SLC29A1: variants seen among roughly 807,000 people sequenced by gnomAD.
SLC29A1 encodes equilibrative nucleoside transporter 1.
In SLC29A1, 22 loss-of-function variants were observed where a neutral mutation model predicts 48.3. The observed-to-expected ratio is 0.46, with a 90% CI of 0.33 to 0.65. The LOEUF is 0.65. Among genes scored for constraint, SLC29A1 ranks in the 30% least tolerant of loss-of-function variants. The probability of loss-of-function intolerance (pLI) is 0.03; values close to 1 mark genes in which losing one functional copy is unlikely to be tolerated. For synonymous variants in SLC29A1, 228 were observed against 231.0 expected, an observed-to-expected ratio of 0.99 and a Z score of 0.12; for missense variants, 491 against 575.3, an observed-to-expected ratio of 0.85 and a Z score of 1.50.
Position 44,229,268 on chromosome 6 carries a change from C to A in SLC29A1, c.30-122C>A. The A allele has an allele frequency of 1.3e-6, 1 of 789,970 alleles. No individual in the cohort carries two copies. Among genetic ancestry groups the A allele is most frequent in the Non-Finnish European group, 2.3e-6 (1 of 441,890 alleles). The allele number at this position is 789,970 out of a possible 1,614,324, so 48.9% of individuals were successfully genotyped here. A position where few individuals can be genotyped will look rare whatever the true frequency, so the allele number is the denominator to read the frequency against. On this transcript the variant is annotated intron_variant, in intron 2 of 12. Coordinates refer to ENST00000371755, the MANE Select transcript of SLC29A1 (RefSeq NM_001372327.1). The surrounding 1 kb of genome is among the most constrained non-coding windows in gnomAD (Gnocchi z 5.1). ...GAGGACACATGCAAACGGACACAAACACAGACGCCCTGTGCCCTGGGACCT... is the reference window on the plus strand; with the variant it reads ...GAGGACACATGCAAACGGACACAAAAACAGACGCCCTGTGCCCTGGGACCT...
chr6:44,223,501 G>GA, upstream of SLC29A1: 1 of 980,492 alleles, frequency 1.0e-6, no homozygotes. The surrounding 1 kb of genome is among the most constrained non-coding windows in gnomAD (Gnocchi z 5.0). Context: ...CGGGGGCGGG[G>GA]CCGCGGGCGT....
intron 1 of SLC29A1, chr6:44,227,051 G>GA (rs1215355877): frequency 5.2e-6 from 7 of 1,352,000 alleles, no homozygotes; most frequent in African/African-American, 1.5e-5. Flanking sequence ...TAGAGTCTGA[G>GA]CAGGCAGGGG....
chr6:44,231,037 A>G (rs752926544), intron 8 of SLC29A1, 148 bp downstream of exon 8: 20 of 693,570 alleles, frequency 2.9e-5, no homozygotes, highest in Non-Finnish European at 4.9e-5. Context: ...AGAGGGGGAC[A>G]ATAGGAAATA....
chr6:44,221,578 T>G (rs1776428947), upstream of SLC29A1: 50 of 872,080 alleles, frequency 5.7e-5, no homozygotes, highest in Non-Finnish European at 7.5e-5. The surrounding 1 kb of genome is among the most constrained non-coding windows in gnomAD (Gnocchi z 4.2). Context: ...ACCCCACCCC[T>G]TCGACAGGGA....
Position 44,230,039 on chromosome 6 carries a change from C to G in SLC29A1, c.447C>G (p.Leu149=). ...FFVITMIKIV[L]INSFGAILQG... is the part of the protein sequence containing the mutation. ...TCATCACCATGATCAAGATCGTGCTCATTAATTGTAAGCTGGGCCAGGAGG... is the reference window on the plus strand; with the variant it reads ...TCATCACCATGATCAAGATCGTGCTGATTAATTGTAAGCTGGGCCAGGAGG... Residue 149 remains leucine, a synonymous_variant, in exon 5 of 13, where the codon CTC becomes CTG. Transcript: ENST00000371755. 1 of 1,606,828 alleles carries G rather than the reference C, an allele frequency of 6.2e-7. No homozygotes were observed. Among genetic ancestry groups the G allele is most frequent in the African/African-American group, 1.3e-5 (1 of 75,028 alleles).
At chr6:44,233,317 C>A in intron 12 of SLC29A1, 100 bp from the exon 13 acceptor site, 2 of 1,003,268 alleles carry the variant, frequency 2.0e-6, no homozygotes, top group Non-Finnish European at 1.6e-6. Context: ...GAATGAGGTT[C>A]GACAGTCAAG....
chr6:44,231,967 G>A, intron 9 of SLC29A1, 31 bp from the exon 10 acceptor site: 1 of 1,481,240 alleles, frequency 6.8e-7, no homozygotes, highest in Non-Finnish European at 9.4e-7. Context: ...GAAGACACAG[G>A]CATTTGGGTG....
At chr6:44,222,027 C>G (rs1462946437), upstream of SLC29A1, among the ~76,000 whole-genome samples, 1 of 152,130 alleles carries the variant, frequency 6.6e-6, no homozygotes, top group African/African-American at 2.4e-5. Flanking sequence ...AGCCCTGCCA[C>G]CCCCACAGAC....
chr6:44,232,988 G>T lies in SLC29A1; in HGVS notation c.1241G>T (p.Cys414Phe). 6.2e-7 allele frequency: 1 copy of T among 1,613,242 alleles called. No homozygotes were observed. Among genetic ancestry groups the T allele is most frequent in the Non-Finnish European group, 8.5e-7 (1 of 1,180,038 alleles). Residue 414 changes from cysteine to phenylalanine, a missense_variant, in exon 12 of 13, where the codon TGC (cysteine) becomes TTC (phenylalanine). By Grantham distance (205) the Cys-to-Phe change is radical. Transcript: ENST00000371755. This position sits in a 1 kb window ranked among gnomAD's most constrained non-coding sequence, Gnocchi z 4.7. ...AFSNGYLASL[C>F]MCFGPKKVKP... ...TCCAACGGCTACCTCGCCAGCCTCTGCATGTGCTTCGGGCCCAAGTGAGTA... is the reference window on the plus strand; with the variant it reads ...TCCAACGGCTACCTCGCCAGCCTCTTCATGTGCTTCGGGCCCAAGTGAGTA...
At chr6:44,231,614 C>T (rs553101482) in intron 9 of SLC29A1, among the ~76,000 whole-genome samples, 153 bp downstream of exon 9, 1 of 152,152 alleles carries the variant, frequency 6.6e-6, no homozygotes, top group South Asian at 2.1e-4. Flanking sequence ...TGCGTGCGTG[C>T]CGGGGGTGGG....
upstream of SLC29A1, chr6:44,221,683 T>C (rs1343434173): frequency 7.8e-7 from 1 of 1,286,270 alleles, no homozygotes; most frequent in Non-Finnish European, 1.0e-6. The surrounding 1 kb of genome is among the most constrained non-coding windows in gnomAD (Gnocchi z 4.2). Flanking sequence ...AGGCAAGGCC[T>C]GTGTAAGTTG....
At chr6:44,226,441 G>A (rs77988133) in intron 1 of SLC29A1, among the ~76,000 whole-genome samples, 1,931 of 151,896 alleles carry the variant, frequency 0.013, 14 homozygotes, top group Middle Eastern at 0.027. Context: ...AAGGGGAAGC[G>A]GACAGGAGCC....
At position 44,232,323 on chromosome 6, in the gene SLC29A1, C is replaced by T; in HGVS notation, c.974-20C>T. 6.4e-7 allele frequency: 1 copy of T among 1,565,938 alleles called. No homozygotes were observed. The highest frequency in any genetic ancestry group is 8.8e-7 in the Non-Finnish European group (1 of 1,136,050). On this transcript the variant is annotated intron_variant, in intron 10 of 12. Coordinates refer to ENST00000371755, the MANE Select transcript of SLC29A1 (RefSeq NM_001372327.1). This position sits in a 1 kb window ranked among gnomAD's most constrained non-coding sequence, Gnocchi z 4.7. ...CTGCCTCTGTGAGCCTGATAACCAC[C>T]CGTTCATCTCCTCTTCCAGAACGTT... is the stretch of plus-strand genomic sequence containing the variant.
upstream of SLC29A1, chr6:44,219,747 C>T (rs765070299): frequency 2.6e-5 from 34 of 1,289,006 alleles, no homozygotes; most frequent in Middle Eastern, 4.5e-3. Context: ...TTCCGTCCCC[C>T]ACCAAGTCCG....
At position 44,232,927 on chromosome 6, in the gene SLC29A1, G is replaced by T; in HGVS notation, c.1180G>T (p.Ala394Ser). ...RYLTVVFEHD[A>S]WFIFFMAAFA... ...CCTGACTGTGGTCTTCGAGCACGAT[G>T]CCTGGTTCATCTTCTTCATGGCTGC... Residue 394 changes from alanine to serine, a missense_variant, in exon 12 of 13, where the codon GCC becomes TCC. Coordinates refer to ENST00000371755, the MANE Select transcript of SLC29A1 (RefSeq NM_001372327.1). The surrounding 1 kb of genome is among the most constrained non-coding windows in gnomAD (Gnocchi z 4.7). 3.1e-6 allele frequency: 5 copies of T among 1,614,142 alleles called. No individual in the cohort carries two copies. The highest frequency in any genetic ancestry group is 4.2e-6 in the Non-Finnish European group (5 of 1,180,052).
At chr6:44,224,259 A>G (rs1487038417) in intron 1 of SLC29A1, among the ~76,000 whole-genome samples, 1 of 150,264 alleles carries the variant, frequency 6.7e-6, no homozygotes, top group Non-Finnish European at 1.5e-5. Context: ...TCACACCTCT[A>G]GGGGTCTCTC....
intron 2 of SLC29A1, among the ~76,000 whole-genome samples, chr6:44,227,737 C>T (rs1484157794): frequency 2.0e-5 from 3 of 152,236 alleles, no homozygotes; most frequent in Non-Finnish European, 2.9e-5. Flanking sequence ...ATCTGATCTT[C>T]CTCTCAATTC....
Position 44,231,443 on chromosome 6 carries a change from C to T in SLC29A1, c.846C>T (p.Ile282=). Residue 282 remains isoleucine (I), a synonymous_variant, in exon 9 of 13, where the codon ATC becomes ATT. Transcript: ENST00000371755. ...AGCCCACCAATGAAAGCCACTCTAT[C>T]AAAGCCATCCTGAAAAATGTACGTA... The part of the protein sequence containing the change: ...NSQPTNESHS[I]KAILKNISVL... The T allele has an allele frequency of 6.2e-7, 1 of 1,604,792 alleles. No individual in the cohort carries two copies. Among genetic ancestry groups the T allele is most frequent in the Non-Finnish European group, 8.5e-7 (1 of 1,173,758 alleles).
Position 44,223,904 on chromosome 6 carries a change from C to T in SLC29A1, c.-52+263C>T, listed in dbSNP as rs1776838261. 1.0e-6 allele frequency: 1 copy of T among 994,664 alleles called. No individual in the cohort carries two copies. Among genetic ancestry groups the T allele is most frequent in the Non-Finnish European group, 1.2e-6 (1 of 836,130 alleles). The allele number at this position is 994,664 out of a possible 1,614,324, so 61.6% of individuals were successfully genotyped here. On this transcript the variant is annotated intron_variant, in intron 1 of 12. Transcript: ENST00000371755. The surrounding 1 kb of genome is among the most constrained non-coding windows in gnomAD (Gnocchi z 5.0). ...CCGGGCCTAAAACAGGCTGCGGTCA[C>T]GTTGACCTCCGCAAGGGGCAGGCGA...
Sources: gnomAD v4.1 joint callset for allele counts (sites outside exome capture counted in the v4.1 genomes callset) on GRCh38, gnomAD v4.1.1 for gene constraint, Gnocchi (gnomAD v3.1) non-coding constraint, MANE v1.5 for transcripts, NCBI Gene and HGNC (gene_info 2026-07-23, HGNC 2026-07-21) for gene names.